Variants in ZNF326 observed in about 807,000 individuals in gnomAD.
ZNF326 encodes the protein zinc finger protein 326, also known as DBIRD complex subunit ZNF326.
A neutral mutation model predicts 63.1 loss-of-function variants in ZNF326; 30 were observed. The observed-to-expected ratio is 0.48, with a 90% CI of 0.36 to 0.64. The LOEUF (loss-of-function observed/expected upper bound fraction) is 0.64. Ranked by LOEUF, ZNF326 falls within the 30% of genes least tolerant of loss-of-function variation. The pLI is 0.00. For synonymous variants in ZNF326, 194 were observed against 228.2 expected (o/e 0.85, Z 1.35); for missense variants, 609 against 720.3 (o/e 0.85, Z 1.77).
Position 90,007,407 on chromosome 1 carries a change from C to A in ZNF326, c.272C>A (p.Ser91Tyr). ...SSLGGRDLYR[S>Y]GYGFNEPEQS... The stretch of plus-strand genomic sequence containing the variant: ...CTGGGTGGGCGAGATCTGTACAGAT[C>A]TGGCTATGGTTTTAATGAACCCGAA... The change falls in exon 5 of 12, where the codon TCT becomes TAT. Residue 91 changes from serine (S) to tyrosine (Y), a missense_variant. Around this residue, in one of 3 missense-constraint regions of ZNF326, gnomAD observed 113 missense variants for 187.4 expected, o/e 0.60. Transcript: ENST00000340281. The surrounding 1 kb of genome is among the most constrained non-coding windows in gnomAD (Gnocchi z 4.9). 6.2e-7 allele frequency: 1 copy of A among 1,614,010 alleles called. No individual in the cohort carries two copies.
In ZNF326 at chr1:90,029,259, A is replaced by C. The variant is rs916496445; in HGVS notation, c.*1558A>C. 6.6e-6 allele frequency: 1 copy of C among 150,952 alleles called. No individual in the cohort carries two copies. Among genetic ancestry groups the C allele is most frequent in the Non-Finnish European group, 1.5e-5 (1 of 67,924 alleles). 9.4% of individuals were successfully genotyped at this position (150,952 alleles called of 1,614,324 possible). On this transcript the variant is annotated 3_prime_UTR_variant, in exon 12 of 12. Coordinates refer to ENST00000340281, the MANE Select transcript of ZNF326 (RefSeq NM_182976.4). Reference sequence around the variant, plus strand: ...TCTTTTTGTGTAAAATAAGGCTTTTAAAACTAGACTTTCTGAACCAATACA... The same window carrying C: ...TCTTTTTGTGTAAAATAAGGCTTTTCAAACTAGACTTTCTGAACCAATACA...
chr1:90,010,585 A>G (rs1236804730), intron 6 of ZNF326, among the ~76,000 whole-genome samples: 3 of 152,142 alleles, frequency 2.0e-5, no homozygotes, highest in African/African-American at 7.2e-5. Context: ...CCTAAGTCAA[A>G]CAACCAGTGA....
At chr1:90,020,339 A>C (rs1178350962) in intron 9 of ZNF326, among the ~76,000 whole-genome samples, 1 of 152,004 alleles carries the variant, frequency 6.6e-6, no homozygotes, top group African/African-American at 2.4e-5. Flanking sequence ...TCCCTTGCAT[A>C]TGTTTATACC....
rs1650059448 is a variant in ZNF326, at chr1:90,027,382, A to G, written c.1430A>G (p.His477Arg). Residue 477 changes from histidine to arginine, a missense_variant, in exon 12 of 12, where the codon CAT (histidine) becomes CGT (arginine). Around this residue, in one of 3 missense-constraint regions of ZNF326, gnomAD observed 399 missense variants for 444.3 expected, o/e 0.90. Coordinates refer to ENST00000340281, the MANE Select transcript of ZNF326 (RefSeq NM_182976.4). Reference protein sequence around the residue: ...KGENPFEIQDHSQDQQIEGDE... With the variant: ...KGENPFEIQDRSQDQQIEGDE... The stretch of plus-strand genomic sequence containing the variant: ...GAGAATCCTTTTGAAATTCAAGACC[A>G]TTCTCAGGATCAGCAAATAGAAGGA... The G allele has an allele frequency of 1.2e-6, 2 of 1,613,996 alleles. No homozygotes were observed. The highest frequency in any genetic ancestry group is 8.5e-7 in the Non-Finnish European group (1 of 1,179,964).
intron 1 of ZNF326, among the ~76,000 whole-genome samples, chr1:89,995,792 A>G (rs1037952318): frequency 2.0e-5 from 3 of 152,260 alleles, no homozygotes; most frequent in Middle Eastern, 3.2e-3. Flanking sequence ...GGTGTCTGTA[A>G]GTGATATGTA....
intron 11 of ZNF326, among the ~76,000 whole-genome samples, chr1:90,026,732 C>CT (rs1650031195): frequency 6.6e-6 from 1 of 152,140 alleles, no homozygotes; most frequent in Non-Finnish European, 1.5e-5. Flanking sequence ...TATTTTCCTG[C>CT]TTAATAACCT....
intron 4 of ZNF326, 137 bp downstream of exon 4, chr1:90,005,381 G>A (rs1648937250): frequency 7.1e-7 from 1 of 1,404,972 alleles, no homozygotes; most frequent in Admixed American, 3.3e-5. Context: ...AATATTTAAA[G>A]GTGTTAATTA....
intron 8 of ZNF326, 29 bp from the exon 9 acceptor site, chr1:90,018,655 TA>T: frequency 1.5e-6 from 2 of 1,349,774 alleles, no homozygotes; most frequent in Non-Finnish European, 2.1e-6. Context: ...CATTGAAAGC[TA>T]TTTAGATTCT....
intron 1 of ZNF326, among the ~76,000 whole-genome samples, chr1:89,995,939 G>A (rs1303291664): frequency 6.6e-6 from 1 of 152,186 alleles, no homozygotes; most frequent in East Asian, 1.9e-4. Flanking sequence ...TCTTTGGATC[G>A]TGTGTAGGTA....
In ZNF326 at chr1:90,018,685, G is replaced by T; in HGVS notation, c.1075G>T (p.Glu359Ter). ...AGATTCTTTCTATTTTGTTTTCTAGGAGTGTATGGTGAATAAATTCAAGAA... is the reference window on the plus strand; with the variant it reads ...AGATTCTTTCTATTTTGTTTTCTAGTAGTGTATGGTGAATAAATTCAAGAA... ...FDKVVMEFLH[E>*]CMVNKFKKTS... The change falls in exon 9 of 12, where the codon GAG becomes TAG. Residue 359 changes from glutamate (E) to a stop codon, truncating the protein, a stop_gained and splice_region_variant. Transcript: ENST00000340281. LOFTEE classifies it high-confidence loss of function. The T allele has an allele frequency of 6.4e-7, 1 of 1,558,120 alleles. No individual in the cohort carries two copies. Among genetic ancestry groups the T allele is most frequent in the Non-Finnish European group, 8.7e-7 (1 of 1,147,656 alleles).
Position 90,010,008 on chromosome 1 carries a change from A to G in ZNF326, c.616-80A>G, listed in dbSNP as rs1649160378. 9 of 1,352,068 alleles carry G rather than the reference A, an allele frequency of 6.7e-6. No homozygotes were observed. In the East Asian group the frequency reaches 2.2e-4, roughly 32 times the overall value. 83.8% of individuals were successfully genotyped at this position (1,352,068 alleles called of 1,614,324 possible). ...AATTTTCAGGTGAAAATTAGTAGAT[A>G]GTTAACATGAAAATTTTATATGAAT... On this transcript the variant is annotated intron_variant, in intron 5 of 11. Coordinates refer to ENST00000340281, the MANE Select transcript of ZNF326 (RefSeq NM_182976.4).
chr1:90,026,436 C>T (rs1650020436), intron 11 of ZNF326, among the ~76,000 whole-genome samples: 1 of 152,120 alleles, frequency 6.6e-6, no homozygotes. Flanking sequence ...TTATTCTGAA[C>T]TCTCCTCTCT....
Position 90,017,405 on chromosome 1 carries a change from A to G in ZNF326, c.1015A>G (p.Thr339Ala), listed in dbSNP as rs1268877482. Residue 339 changes from threonine (T) to alanine (A), a missense_variant, in exon 8 of 12, where the codon ACA becomes GCA. Transcript: ENST00000340281. ...LHLESSSHQE[T>A]LDHIQKQTKF... is the part of the protein sequence containing the mutation. The stretch of plus-strand genomic sequence containing the variant: ...TCTGGAAAGTTCTTCACATCAGGAA[A>G]CATTAGATCATATACAGAAACAAAC... 6.2e-7 allele frequency: 1 copy of G among 1,605,396 alleles called. No homozygotes were observed. The highest frequency in any genetic ancestry group is 1.7e-5 in the Admixed American group (1 of 57,924).
rs1015454783 is a variant in ZNF326 at position 90,031,275 on chromosome 1, C to T, written c.*3574C>T. The stretch of plus-strand genomic sequence containing the variant: ...TAGTAATTTTCCCATATAATAAGCC[C>T]ACTCTTGTACATGTAGAAACAGAGA... On this transcript the variant is annotated 3_prime_UTR_variant, in exon 12 of 12. Transcript: ENST00000340281. The T allele has an allele frequency of 2.6e-5, 4 of 152,040 alleles. No individual in the cohort carries two copies. Among genetic ancestry groups the T allele is most frequent in the African/African-American group, 9.7e-5 (4 of 41,324 alleles). The allele number at this position is 152,040 out of a possible 1,614,324, so 9.4% of individuals were successfully genotyped here. A position where few individuals can be genotyped will look rare whatever the true frequency, so the allele number is the denominator to read the frequency against.
chr1:90,015,157 T>C (rs544741083), intron 7 of ZNF326, among the ~76,000 whole-genome samples: 1 of 152,350 alleles, frequency 6.6e-6, no homozygotes, highest in South Asian at 2.1e-4. Flanking sequence ...GCAGTTTTAC[T>C]TTGAGTTATG....
chr1:90,021,940 G>A (rs537995687), intron 10 of ZNF326, among the ~76,000 whole-genome samples: 10 of 152,146 alleles, frequency 6.6e-5, no homozygotes, highest in African/African-American at 2.4e-4. Context: ...TTTTGACAGC[G>A]TGAAAATTAA....
chr1:90,023,984 T>G (rs1649891215), intron 11 of ZNF326, among the ~76,000 whole-genome samples: 1 of 152,226 alleles, frequency 6.6e-6, no homozygotes, highest in African/African-American at 2.4e-5. Flanking sequence ...GAATCTTCAT[T>G]TTAACAAGAT....
intron 7 of ZNF326, among the ~76,000 whole-genome samples, chr1:90,013,971 G>A (rs1649375234): frequency 6.6e-6 from 1 of 151,940 alleles, no homozygotes; most frequent in Admixed American, 6.6e-5. Flanking sequence ...AGGCTGAGGC[G>A]GGACGATGGC....
chr1:90,010,367 G>A (rs1221836528), intron 6 of ZNF326, 81 bp downstream of exon 6: 5 of 1,386,712 alleles, frequency 3.6e-6, no homozygotes, highest in Non-Finnish European at 4.9e-6. Flanking sequence ...ATTTTTTCAT[G>A]TTTATATACA....
Sources: allele counts gnomAD v4.1 joint callset (sites outside exome capture counted in the v4.1 genomes callset), GRCh38; gene constraint gnomAD v4.1.1; regional missense constraint gnomAD v4.1.1; non-coding constraint Gnocchi (gnomAD v3.1); transcripts MANE v1.5; gene names NCBI Gene and HGNC (gene_info 2026-07-23, HGNC 2026-07-21).